The following ADAMTS17 variants were observed in gnomAD, a reference collection of about 807,000 sequenced individuals.
ADAMTS17 encodes ADAM metallopeptidase with thrombospondin type 1 motif 17.
ADAMTS17 carries 113 observed loss-of-function variants against 141.5 expected under a neutral mutation model. The ratio of observed to expected loss-of-function variants is 0.80; its 90% CI spans 0.69 to 0.93. The LOEUF (loss-of-function observed/expected upper bound fraction) is 0.93, where lower values mean the gene tolerates loss of function less well. ADAMTS17 is among the 40% of genes least tolerant of loss of function. The pLI is 0.00. For missense variants in ADAMTS17, 1,659 were observed against 1,517.9 expected (o/e 1.09, Z -1.54); for synonymous variants, 768 against 630.6 (o/e 1.22, Z -3.27).
chr15:100,146,872 T>C (rs1027715483), intron 10 of ADAMTS17, among the ~76,000 whole-genome samples: 1 of 152,152 alleles, frequency 6.6e-6, no homozygotes, highest in African/African-American at 2.4e-5. Flanking sequence ...CCCAGGCTTA[T>C]TAGGAAGAGG....
chr15:100,252,977 G>C (rs76847299), intron 7 of ADAMTS17, among the ~76,000 whole-genome samples: 1 of 152,126 alleles, frequency 6.6e-6, no homozygotes, highest in Non-Finnish European at 1.5e-5. Flanking sequence ...CAGCTGGCAC[G>C]TGGCAGAGCC....
At chr15:100,254,073 A>G in intron 7 of ADAMTS17, 63 bp downstream of exon 7, 1 of 1,504,990 alleles carries the variant, frequency 6.6e-7, no homozygotes, top group Non-Finnish European at 9.2e-7. Flanking sequence ...TGTGACCAGG[A>G]AGTCTCCAGA....
intron 7 of ADAMTS17, among the ~76,000 whole-genome samples, chr15:100,204,595 G>A (rs1220328191): frequency 6.6e-6 from 1 of 152,218 alleles, no homozygotes; most frequent in East Asian, 1.9e-4. Flanking sequence ...GAATAAAAAA[G>A]TTGGACCCCT....
At chr15:100,020,814 C>T (rs2061393273) in intron 18 of ADAMTS17, among the ~76,000 whole-genome samples, 2 of 152,340 alleles carry the variant, frequency 1.3e-5, no homozygotes, top group African/African-American at 2.4e-5. Context: ...TGTCTATCTC[C>T]ATGCACTGAC....
At chr15:100,321,877 A>G (rs564298413) in intron 3 of ADAMTS17, among the ~76,000 whole-genome samples, 2 of 152,350 alleles carry the variant, frequency 1.3e-5, no homozygotes, top group East Asian at 3.8e-4. Flanking sequence ...GAAAATATAT[A>G]ATCTGTTTGC....
rs140918730 is a variant in ADAMTS17, at chr15:100,281,274, G to A, written c.744C>T (p.His248=). The change falls in exon 4 of 22, where the codon CAC becomes CAT. Residue 248 remains histidine (H), a synonymous_variant. Transcript: ENST00000268070. ...TGAACCTCTGGGCGGCCTCGGCCCC[G>A]TGGTACTGCACCATGTCGGCGTCGG... ...VVADADMVQY[H]GAEAAQRFIL... 3.9e-4 allele frequency: 635 copies of A among 1,608,154 alleles called. No individual in the cohort carries two copies. Among genetic ancestry groups the A allele is most frequent in the Middle Eastern group, 5.3e-4 (3 of 5,676 alleles).
chr15:100,095,441 G>A (rs1038593512), intron 15 of ADAMTS17, among the ~76,000 whole-genome samples: 2 of 152,146 alleles, frequency 1.3e-5, no homozygotes, highest in Admixed American at 6.5e-5. Context: ...CTCACCTTAC[G>A]GGGCTGTTCT....
At chr15:100,049,083 C>T in intron 17 of ADAMTS17, 91 bp from the exon 18 acceptor site, 1 of 1,588,506 alleles carries the variant, frequency 6.3e-7, no homozygotes, top group Non-Finnish European at 8.6e-7. Flanking sequence ...TGTTTGGGTG[C>T]TGCTGATGGT....
intron 20 of ADAMTS17, among the ~76,000 whole-genome samples, chr15:99,982,784 G>A (rs2060507277): frequency 6.6e-6 from 1 of 152,180 alleles, no homozygotes; most frequent in South Asian, 2.1e-4. Flanking sequence ...TAGCTGAAAA[G>A]CTCCTTGCCG....
intron 3 of ADAMTS17, among the ~76,000 whole-genome samples, chr15:100,303,854 T>C (rs888006608): frequency 6.6e-5 from 10 of 152,120 alleles, no homozygotes; most frequent in Admixed American, 5.2e-4. Context: ...TCCCGAGTAG[T>C]TGGGACTACA....
chr15:100,183,682 A>C (rs2040604352), intron 8 of ADAMTS17, among the ~76,000 whole-genome samples: 2 of 152,074 alleles, frequency 1.3e-5, no homozygotes, highest in South Asian at 4.1e-4. Flanking sequence ...ATGACTAGTG[A>C]TTTTCAACTA....
intron 7 of ADAMTS17, among the ~76,000 whole-genome samples, chr15:100,214,581 T>C (rs547697665): frequency 6.6e-6 from 1 of 152,316 alleles, no homozygotes; most frequent in South Asian, 2.1e-4. Context: ...ATGGGATCCA[T>C]CCTTCAAGAC....
At chr15:100,247,539 GA>G in intron 7 of ADAMTS17, among the ~76,000 whole-genome samples, 2 of 152,296 alleles carry the variant, frequency 1.3e-5, no homozygotes, top group South Asian at 4.2e-4. Flanking sequence ...CCAGGGCTGG[GA>G]TAAGTGAAGA....
chr15:100,171,378 G>A (rs1459789160), intron 8 of ADAMTS17, among the ~76,000 whole-genome samples: 20 of 152,152 alleles, frequency 1.3e-4, no homozygotes, highest in African/African-American at 4.8e-4. Flanking sequence ...GCTGGGGTGG[G>A]AGCAGGGGCA....
At chr15:100,214,029 G>T (rs2041891363) in intron 7 of ADAMTS17, among the ~76,000 whole-genome samples, 1 of 152,248 alleles carries the variant, frequency 6.6e-6, no homozygotes, top group Admixed American at 6.5e-5. Context: ...AAGATGACTA[G>T]TTACGGAGAG....
intron 6 of ADAMTS17, among the ~76,000 whole-genome samples, 164 bp from the exon 7 acceptor site, chr15:100,254,343 C>A (rs1205627077): frequency 6.6e-6 from 1 of 152,216 alleles, no homozygotes; most frequent in African/African-American, 2.4e-5. Flanking sequence ...AACAGTAATC[C>A]ATCCACATTT....
chr15:100,230,643 G>C (rs2042451617), intron 7 of ADAMTS17, among the ~76,000 whole-genome samples: 1 of 152,190 alleles, frequency 6.6e-6, no homozygotes, highest in Non-Finnish European at 1.5e-5. Context: ...GGAGTGACTG[G>C]CATTTAACAC....
intron 4 of ADAMTS17, among the ~76,000 whole-genome samples, chr15:100,274,369 T>G (rs1250674086): frequency 6.6e-6 from 1 of 152,202 alleles, no homozygotes; most frequent in African/African-American, 2.4e-5. Context: ...GTGTAAATAT[T>G]TATAACTGTT....
chr15:100,131,192 A>T (rs35803296), intron 12 of ADAMTS17, among the ~76,000 whole-genome samples: 59,000 of 150,938 alleles, frequency 0.39, 11,936 homozygotes, highest in South Asian at 0.48. Context: ...ACAGAGAGGG[A>T]AACATCACAC....
Sources: gnomAD v4.1 joint callset for allele counts (sites outside exome capture counted in the v4.1 genomes callset) on GRCh38, gnomAD v4.1.1 for gene constraint, MANE v1.5 for transcripts, NCBI Gene and HGNC (gene_info 2026-07-23, HGNC 2026-07-21) for gene names.